The following TTC7B variants were observed in gnomAD, a reference collection of about 807,000 sequenced individuals.
The protein encoded by TTC7B is tetratricopeptide repeat domain 7B, also known as tetratricopeptide repeat protein 7B.
Under a neutral mutation model 106.8 loss-of-function variants are expected in TTC7B, and 28 were observed. The observed-to-expected ratio is 0.26, with a 90% CI of 0.19 to 0.36. TTC7B has a LOEUF of 0.36. Ranked by LOEUF, TTC7B falls within the 10% of genes least tolerant of loss-of-function variation. TTC7B has a pLI of 1.00. For synonymous variants in TTC7B, 405 were observed against 430.6 expected, an observed-to-expected ratio of 0.94 and a Z score of 0.74; for missense variants, 862 against 1,076.4, an observed-to-expected ratio of 0.80 and a Z score of 2.79.
intron 18 of TTC7B, among the ~76,000 whole-genome samples, chr14:90,581,129 G>A (rs1378268803): frequency 3.3e-5 from 5 of 152,184 alleles, no homozygotes; most frequent in African/African-American, 4.8e-5. Context: ...GTGCCTGCCA[G>A]TCCCTCCTCG....
At chr14:90,659,078 T>C (rs1331815638) in intron 9 of TTC7B, among the ~76,000 whole-genome samples, 1 of 152,012 alleles carries the variant, frequency 6.6e-6, no homozygotes, top group Admixed American at 6.5e-5. Context: ...GTGTCCGAGG[T>C]CAAATCAGCA....
chr14:90,541,220 G>T lies in TTC7B; in HGVS notation c.*148C>A. On this transcript the variant is annotated 3_prime_UTR_variant, in exon 20 of 20. Coordinates refer to ENST00000328459, the MANE Select transcript of TTC7B (RefSeq NM_001010854.2). ...CACATGGCGAGAGCGATGATTCGGGGTTGGTTTGGTTGGTTCACTGTGGCC... is the reference window on the plus strand; with the variant it reads ...CACATGGCGAGAGCGATGATTCGGGTTTGGTTTGGTTGGTTCACTGTGGCC... 1 of 606,768 alleles carries T rather than the reference G, an allele frequency of 1.6e-6. No individual in the cohort carries two copies. Among genetic ancestry groups the T allele is most frequent in the Non-Finnish European group, 2.7e-6 (1 of 368,862 alleles). The allele number at this position is 606,768 out of a possible 1,614,324, so 37.6% of individuals were successfully genotyped here. A position where few individuals can be genotyped will look rare whatever the true frequency, so the allele number is the denominator to read the frequency against.
Position 90,549,084 on chromosome 14 carries a change from C to T in TTC7B, c.2311-7495G>A, listed in dbSNP as rs543213615. ...TGGAGCTTGCAGTGAGCAGAAATCA[C>T]ACCACCGCACTACAGCCTGGGCAAC... On this transcript the variant is annotated intron_variant, in intron 19 of 19. Coordinates refer to ENST00000328459, the MANE Select transcript of TTC7B (RefSeq NM_001010854.2). Among the ~76,000 whole-genome samples the T allele has an allele frequency of 7.3e-5, 11 of 150,616 alleles. No homozygotes were observed. In the South Asian group the frequency reaches 1.3e-3, roughly 17 times the overall value.
At chr14:90,587,972 C>A (rs924527479) in intron 18 of TTC7B, among the ~76,000 whole-genome samples, 4 of 152,182 alleles carry the variant, frequency 2.6e-5, no homozygotes, top group African/African-American at 9.7e-5. Flanking sequence ...GAGGACTGAA[C>A]AAATTAAGAC....
chr14:90,561,466 G>A (rs898385384), intron 19 of TTC7B, among the ~76,000 whole-genome samples: 1 of 152,210 alleles, frequency 6.6e-6, no homozygotes, highest in Non-Finnish European at 1.5e-5. Flanking sequence ...GGCATAAAGA[G>A]GGGACGCTTC....
chr14:90,744,872 C>T lies in TTC7B; in HGVS notation c.496G>A (p.Val166Met). 6.2e-7 allele frequency: 1 copy of T among 1,614,092 alleles called. No individual in the cohort carries two copies. The highest frequency in any genetic ancestry group is 8.5e-7 in the Non-Finnish European group (1 of 1,179,986). ...PISSSTSNLHVDREQDVITCY... is the reference protein window; with the variant it reads ...PISSSTSNLHMDREQDVITCY... Reference sequence around the variant, plus strand: ...GTGATGACATCCTGTTCCCGGTCCACATGGAGATTACTGGTAGAAGAAGAA... The same window carrying T: ...GTGATGACATCCTGTTCCCGGTCCATATGGAGATTACTGGTAGAAGAAGAA... The change falls in exon 4 of 20, where the codon GTG (valine) becomes ATG (methionine). Residue 166 changes from valine (V) to methionine (M), a missense_variant. Val to Met is a conservative substitution (Grantham distance 21). Coordinates refer to ENST00000328459, the MANE Select transcript of TTC7B (RefSeq NM_001010854.2).
intron 4 of TTC7B, among the ~76,000 whole-genome samples, chr14:90,731,439 CA>C (rs1466547248): frequency 6.6e-6 from 1 of 152,178 alleles, no homozygotes; most frequent in African/African-American, 2.4e-5. Context: ...AGTCTCCAAA[CA>C]GAGTGGAAGT....
chr14:90,595,258 A>G (rs1184355222), intron 17 of TTC7B, among the ~76,000 whole-genome samples: 1 of 152,106 alleles, frequency 6.6e-6, no homozygotes, highest in Non-Finnish European at 1.5e-5. Flanking sequence ...GCTTGAACCC[A>G]GGAGGCAGAG....
In TTC7B at chr14:90,652,824, G is replaced by T. The variant is rs1885786771; in HGVS notation, c.1517+17C>A. 6.2e-7 allele frequency: 1 copy of T among 1,613,536 alleles called. No individual in the cohort carries two copies. Among genetic ancestry groups the T allele is most frequent in the African/African-American group, 1.3e-5 (1 of 74,904 alleles). On this transcript the variant is annotated intron_variant, in intron 13 of 19. Transcript: ENST00000328459. Reference sequence around the variant, plus strand: ...GTCATTATGTACAGCCGAGTGAAAAGATGAACTCCCACTCACCTCTGAAAT... The same window carrying T: ...GTCATTATGTACAGCCGAGTGAAAATATGAACTCCCACTCACCTCTGAAAT...
intron 17 of TTC7B, chr14:90,603,121 G>A (rs1016166965): frequency 1.4e-5 from 7 of 513,932 alleles, no homozygotes; most frequent in African/African-American, 1.2e-4. Context: ...AGAGTGGGCA[G>A]GCAGGTGGCA....
At chr14:90,811,062 A>G (rs743200) in intron 1 of TTC7B, among the ~76,000 whole-genome samples, 114,708 of 152,136 alleles carry the variant, frequency 0.75, 43,509 homozygotes, top group Middle Eastern at 0.83. Context: ...CCCACTGTGC[A>G]CAGCCACAAG....
At chr14:90,730,658 GATCTGCACTAGCCCTGGAATC>G (rs1889290672) in intron 4 of TTC7B, among the ~76,000 whole-genome samples, 1 of 152,166 alleles carries the variant, frequency 6.6e-6, no homozygotes, top group African/African-American at 2.4e-5. Context: ...TGAGTGCTGT[GATCTGCACTAGCCCTGGAATC>G]AACCAGAAAA....
chr14:90,805,947 G>GAAC lies in TTC7B; in HGVS notation c.121+10227_121+10228insGTT, dbSNP rs995604874. On this transcript the variant is annotated intron_variant, in intron 1 of 19. Transcript: ENST00000328459. This position sits in a 1 kb window ranked among gnomAD's most constrained non-coding sequence, Gnocchi z 4.0. ...TGCCCTTCCTCCTGGTTCCTCCCAT[G>GAAC]CAGGATAAGCAGCTGACATGCAAAG... 1.4e-4 allele frequency among the ~76,000 whole-genome samples: 21 copies of GAAC among 152,192 alleles called. No individual in the cohort carries two copies. Among genetic ancestry groups the GAAC allele is most frequent in the Non-Finnish European group, 2.2e-4 (15 of 68,038 alleles).
At position 90,536,474 on chromosome 14, in the gene TTC7B, T is replaced by G. The variant is rs1252743090; in HGVS notation, c.*4894A>C. ...ACAGGCATTTTGTATTCAACCTGCC[T>G]GAAAGCAGACTCCTGCCTTCTCCTC... On this transcript the variant is annotated 3_prime_UTR_variant, in exon 20 of 20. Transcript: ENST00000328459. 1 of 152,478 alleles carries G rather than the reference T, an allele frequency of 6.6e-6. No individual in the cohort carries two copies. The highest frequency in any genetic ancestry group is 2.4e-5 in the African/African-American group (1 of 41,458). 9.4% of individuals were successfully genotyped at this position (152,478 alleles called of 1,614,324 possible).
At chr14:90,727,513 GC>G (rs1287531756) in intron 5 of TTC7B, among the ~76,000 whole-genome samples, 1 of 152,230 alleles carries the variant, frequency 6.6e-6, no homozygotes, top group African/African-American at 2.4e-5. Flanking sequence ...CTTAAAAGCA[GC>G]CCTTGGATCT....
At chr14:90,630,243 T>C (rs1884635210) in intron 15 of TTC7B, among the ~76,000 whole-genome samples, 1 of 152,178 alleles carries the variant, frequency 6.6e-6, no homozygotes, top group Admixed American at 6.5e-5. Flanking sequence ...CTATGTTTAG[T>C]GAAGGCAACA....
intron 16 of TTC7B, among the ~76,000 whole-genome samples, chr14:90,614,821 T>TGG (rs1893005874): frequency 6.6e-6 from 1 of 152,212 alleles, no homozygotes; most frequent in Non-Finnish European, 1.5e-5. Context: ...GTTATTACCA[T>TGG]CCCTGGCTGA....
Position 90,657,409 on chromosome 14 carries a change from G to C in TTC7B, c.1237-131C>G. ...TGTCCAACTTTAAGCCCAAGCAAGCGGGGGCCTGAGGTGCATGAAAACCAG... is the reference window on the plus strand; with the variant it reads ...TGTCCAACTTTAAGCCCAAGCAAGCCGGGGCCTGAGGTGCATGAAAACCAG... On this transcript the variant is annotated intron_variant, in intron 10 of 19. Coordinates refer to ENST00000328459, the MANE Select transcript of TTC7B (RefSeq NM_001010854.2). The surrounding 1 kb of genome is among the most constrained non-coding windows in gnomAD (Gnocchi z 4.2). 5.5e-6 allele frequency: 4 copies of C among 728,052 alleles called. No homozygotes were observed. The highest frequency in any genetic ancestry group is 8.8e-6 in the Non-Finnish European group (4 of 452,628). The allele number at this position is 728,052 out of a possible 1,614,324, so 45.1% of individuals were successfully genotyped here.
Position 90,568,005 on chromosome 14 carries a change from C to T in TTC7B, c.2310+10101G>A, listed in dbSNP as rs574618283. ...ACACGGCCCAAAGAGAGCCCCCGAG[C>T]CCTCAATGGGGAGTCTCTGGGACCA... On this transcript the variant is annotated intron_variant, in intron 19 of 19. Transcript: ENST00000328459. 7.2e-4 allele frequency among the ~76,000 whole-genome samples: 110 copies of T among 152,308 alleles called. 1 individual carries two copies. The highest frequency in any genetic ancestry group is 5.6e-4 in the Non-Finnish European group (38 of 68,028).
Sources: gnomAD v4.1 joint callset for allele counts (sites outside exome capture counted in the v4.1 genomes callset) on GRCh38, gnomAD v4.1.1 for gene constraint, Gnocchi (gnomAD v3.1) non-coding constraint, MANE v1.5 for transcripts, NCBI Gene and HGNC (gene_info 2026-07-23, HGNC 2026-07-21) for gene names.